Variants in SLC2A11 observed in about 807,000 individuals in gnomAD.
SLC2A11 encodes solute carrier family 2, facilitated glucose transporter member 11.
SLC2A11 carries 43 observed loss-of-function variants against 52.1 expected under a neutral mutation model. The observed-to-expected ratio is 0.82, with a 90% CI of 0.65 to 1.06. The LOEUF (loss-of-function observed/expected upper bound fraction) is 1.06. Ranked by LOEUF, SLC2A11 falls within the 50% of genes least tolerant of loss-of-function variation. SLC2A11 has a pLI of 0.00. For synonymous variants in SLC2A11, 261 were observed against 277.6 expected, an observed-to-expected ratio of 0.94 and a Z score of 0.59; for missense variants, 582 against 654.2, an observed-to-expected ratio of 0.89 and a Z score of 1.20.
chr22:23,860,716 G>A (rs1457270385), intron 1 of SLC2A11, among the ~76,000 whole-genome samples: 4 of 126,582 alleles, frequency 3.2e-5, no homozygotes, highest in African/African-American at 8.7e-5. Flanking sequence ...CTGGGCGGCA[G>A]AGCAAAACTC....
chr22:23,883,990 C>G lies in SLC2A11; in HGVS notation c.1137C>G (p.Ile379Met), dbSNP rs1250460853. The G allele has an allele frequency of 5.6e-6, 9 of 1,613,452 alleles. No individual in the cohort carries two copies. The East Asian group carries it at 2.0e-4, about 36-fold the overall frequency. ...PWTLYLAMAC[I>M]FAFILSFGIG... ...CACTCTACCTGGCCATGGCCTGCAT[C>G]TTTGCCTTCATCCTCAGCTTTGGCA... Residue 379 changes from isoleucine to methionine, a missense_variant, in exon 10 of 12, where the codon ATC becomes ATG. Transcript: ENST00000316185.
At chr22:23,882,358 C>T in intron 6 of SLC2A11, 101 bp from the exon 7 acceptor site, 1 of 1,069,074 alleles carries the variant, frequency 9.4e-7, no homozygotes, top group Non-Finnish European at 1.3e-6. Flanking sequence ...AGAGAGTGAG[C>T]CAAGAAGGAA....
At position 23,857,993 on chromosome 22, in the gene SLC2A11, C is replaced by T; in HGVS notation, c.-7C>T. 1 of 1,590,288 alleles carries T rather than the reference C, an allele frequency of 6.3e-7. No homozygotes were observed. Among genetic ancestry groups the T allele is most frequent in the South Asian group, 1.1e-5 (1 of 87,142 alleles). ...CAGCAAGACCTCCGCTCAGGCCCCT[C>T]TTTCGAATGCTCCACGCCCTCCTGC... is the stretch of plus-strand genomic sequence containing the variant. On this transcript the variant is annotated 5_prime_UTR_variant, in exon 1 of 12. Coordinates refer to ENST00000316185, the MANE Select transcript of SLC2A11 (RefSeq NM_001024939.4).
rs1265633438 is a variant in SLC2A11 at position 23,885,832 on chromosome 22, G to A, written c.*983G>A. The stretch of plus-strand genomic sequence containing the variant: ...GATGTTTTTAATCAACTTTATTGAG[G>A]TATAATTTATACATAACCAACTGCA... On this transcript the variant is annotated 3_prime_UTR_variant, in exon 12 of 12. Transcript: ENST00000316185. 5 of 152,136 alleles carry A rather than the reference G, an allele frequency of 3.3e-5. No individual in the cohort carries two copies. Among genetic ancestry groups the A allele is most frequent in the Admixed American group, 3.3e-4 (5 of 15,276 alleles). The allele number at this position is 152,136 out of a possible 1,614,324, so 9.4% of individuals were successfully genotyped here. A position where few individuals can be genotyped will look rare whatever the true frequency, so the allele number is the denominator to read the frequency against.
At chr22:23,858,416 T>C (rs1434862921) in intron 1 of SLC2A11, among the ~76,000 whole-genome samples, 1 of 151,798 alleles carries the variant, frequency 6.6e-6, no homozygotes, top group Non-Finnish European at 1.5e-5. Context: ...TGACCTGACG[T>C]CCTGCCTCAC....
At chr22:23,861,034 G>A (rs1310461836) in intron 1 of SLC2A11, among the ~76,000 whole-genome samples, 1 of 151,486 alleles carries the variant, frequency 6.6e-6, no homozygotes, top group Admixed American at 6.6e-5. Context: ...TTTAGTAGAG[G>A]CGGGATTTCA....
chr22:23,877,880 G>A lies in SLC2A11; in HGVS notation c.694+11G>A. ...AGGCCTGCCTGGCAGGTGAGTCTCTGTCCTTGGGCTCCCAGACTGCCCTTG... is the reference window on the plus strand; with the variant it reads ...AGGCCTGCCTGGCAGGTGAGTCTCTATCCTTGGGCTCCCAGACTGCCCTTG... On this transcript the variant is annotated intron_variant, in intron 6 of 11. Coordinates refer to ENST00000316185, the MANE Select transcript of SLC2A11 (RefSeq NM_001024939.4). The A allele has an allele frequency of 3.1e-6, 5 of 1,604,608 alleles. No individual in the cohort carries two copies. The highest frequency in any genetic ancestry group is 4.3e-6 in the Non-Finnish European group (5 of 1,175,568).
rs1266629871 is a variant in SLC2A11 at position 23,877,335 on chromosome 22, G to C, written c.545+164G>C. 7 of 1,180,576 alleles carry C rather than the reference G, an allele frequency of 5.9e-6. No homozygotes were observed. In the East Asian group the frequency reaches 1.5e-4, roughly 25 times the overall value. The allele number at this position is 1,180,576 out of a possible 1,614,324, so 73.1% of individuals were successfully genotyped here. ...TCTCTGCTGCCAATTCACGAAATGG[G>C]TATCAGTCAACACACTGCAATGTGA... is the stretch of plus-strand genomic sequence containing the variant. On this transcript the variant is annotated intron_variant, in intron 5 of 11. Transcript: ENST00000316185.
At position 23,877,055 on chromosome 22, in the gene SLC2A11, C is replaced by T. The variant is rs1380372364; in HGVS notation, c.429C>T (p.Asn143=). 1 of 1,613,798 alleles carries T rather than the reference C, an allele frequency of 6.2e-7. No homozygotes were observed. The highest frequency in any genetic ancestry group is 1.3e-5 in the African/African-American group (1 of 74,832). Residue 143 remains asparagine (N), a synonymous_variant, in exon 5 of 12, where the codon AAC becomes AAT. Coordinates refer to ENST00000316185, the MANE Select transcript of SLC2A11 (RefSeq NM_001024939.4). Reference sequence around the variant, plus strand: ...GCACACGTCCAGGTGTGAGCATGAACATCCAGCCCATGTACCTGGGGGAGA... The same window carrying T: ...GCACACGTCCAGGTGTGAGCATGAATATCCAGCCCATGTACCTGGGGGAGA... ...LVGVNAGVSM[N]IQPMYLGESA...
intron 2 of SLC2A11, among the ~76,000 whole-genome samples, chr22:23,862,797 A>T (rs2032120183): frequency 6.6e-6 from 1 of 151,836 alleles, no homozygotes; most frequent in African/African-American, 2.4e-5. Context: ...CTAATTTTGT[A>T]TTTTTAGTAG....
At chr22:23,862,421 C>A in intron 2 of SLC2A11, 1 of 528,246 alleles carries the variant, frequency 1.9e-6, no homozygotes, top group Non-Finnish European at 3.4e-6. Context: ...CAGATGACTC[C>A]ATCTTCCACC....
At chr22:23,878,015 C>CCTG in intron 6 of SLC2A11, 146 bp downstream of exon 6, 1 of 1,037,886 alleles carries the variant, frequency 9.6e-7, no homozygotes, top group South Asian at 1.7e-5. Context: ...CTGCCTATAC[C>CCTG]TGCCTTCAAT....
intron 1 of SLC2A11, among the ~76,000 whole-genome samples, chr22:23,860,357 T>C (rs2032005779): frequency 6.6e-6 from 1 of 151,946 alleles, no homozygotes; most frequent in Non-Finnish European, 1.5e-5. Context: ...GAGGCTGCAG[T>C]GAATCAAGAT....
intron 2 of SLC2A11, chr22:23,868,148 A>AATTGCTT: frequency 2.7e-6 from 1 of 364,306 alleles, no homozygotes; most frequent in Admixed American, 4.0e-5. Context: ...GGAGAGTTAG[A>AATTGCTT]GAATTGCTTG....
intron 3 of SLC2A11, chr22:23,869,746 C>A: frequency 2.2e-6 from 1 of 460,528 alleles, no homozygotes; most frequent in South Asian, 4.3e-5. Flanking sequence ...TTTACTTTCT[C>A]ACAGTTCTGG....
At chr22:23,857,663 G>C (rs2031895900), upstream of SLC2A11, 2 of 1,119,184 alleles carry the variant, frequency 1.8e-6, no homozygotes, top group Non-Finnish European at 1.3e-6. Flanking sequence ...CGCTGAGTCC[G>C]CGCATGCGCC....
chr22:23,862,273 G>C, intron 2 of SLC2A11, 71 bp downstream of exon 2: 1 of 1,432,618 alleles, frequency 7.0e-7, no homozygotes, highest in Non-Finnish European at 9.8e-7. Flanking sequence ...CCACTGAGGG[G>C]CTTCAGCCAG....
Position 23,877,861 on chromosome 22 carries a change from G to C in SLC2A11, c.686G>C (p.Cys229Ser). 1 of 1,611,076 alleles carries C rather than the reference G, an allele frequency of 6.2e-7. No homozygotes were observed. Among genetic ancestry groups the C allele is most frequent in the Non-Finnish European group, 8.5e-7 (1 of 1,178,458 alleles). The change falls in exon 6 of 12, where the codon TGC (cysteine) becomes TCC (serine). Residue 229 changes from cysteine (C) to serine (S), a missense_variant. By Grantham distance (112) the Cys-to-Ser change is moderately radical. Transcript: ENST00000316185. The part of the protein sequence containing the change: ...LLIDCGDTEA[C>S]LAALRRLRGS... ...ATTGACTGTGGAGACACCGAGGCCT[G>C]CCTGGCAGGTGAGTCTCTGTCCTTG...
Position 23,884,639 on chromosome 22 carries a change from T to G in SLC2A11, c.1300-10T>G. On this transcript the variant is annotated splice_polypyrimidine_tract_variant and intron_variant, in intron 11 of 11. Transcript: ENST00000316185. This position sits in a 1 kb window ranked among gnomAD's most constrained non-coding sequence, Gnocchi z 4.3. ...ACACACCAGGTCTTGGGGTCTTTTT[T>G]AATCCGCAGGAGGCCTTGTCCCACT... The G allele has an allele frequency of 6.2e-7, 1 of 1,608,852 alleles. No homozygotes were observed. Among genetic ancestry groups the G allele is most frequent in the Non-Finnish European group, 8.5e-7 (1 of 1,177,402 alleles).
Sources: gnomAD v4.1 joint callset for allele counts (sites outside exome capture counted in the v4.1 genomes callset) on GRCh38, gnomAD v4.1.1 for gene constraint, Gnocchi (gnomAD v3.1) non-coding constraint, MANE v1.5 for transcripts, NCBI Gene and HGNC (gene_info 2026-07-23, HGNC 2026-07-21) for gene names.